Variants in GRTP1 observed in about 807,000 individuals in gnomAD.
GRTP1 encodes the protein growth hormone-regulated TBC protein 1.
Under a neutral mutation model 38.1 loss-of-function variants are expected in GRTP1, and 56 were observed. That is an observed-to-expected ratio of 1.47 (90% CI 1.19 to 1.84). The LOEUF (loss-of-function observed/expected upper bound fraction) is 1.84. Among genes scored for constraint, GRTP1 ranks in the 40% most tolerant of loss-of-function variants. The pLI is 0.00. For synonymous variants in GRTP1, 217 were observed against 189.5 expected (o/e 1.14, Z -1.19); for missense variants, 506 against 453.9 (o/e 1.11, Z -1.04).
chr13:113,351,323 G>A (rs75384758), intron 3 of GRTP1, among the ~76,000 whole-genome samples: 8,039 of 152,330 alleles, frequency 0.053, 263 homozygotes, highest in Middle Eastern at 0.11. Context: ...CGCGCGTAGC[G>A]GAGGCAACTC....
chr13:113,324,748 G>A, intron 7 of GRTP1, 171 bp from the exon 8 acceptor site: 1 of 1,405,938 alleles, frequency 7.1e-7, no homozygotes, highest in Non-Finnish European at 9.2e-7. Flanking sequence ...TCCTGCCCTG[G>A]GGCCTAGGAC....
chr13:113,348,043 C>T lies in GRTP1; in HGVS notation c.465+2806G>A, dbSNP rs530247190. Among the ~76,000 whole-genome samples, 13 of 152,034 alleles carry T rather than the reference C, an allele frequency of 8.6e-5. No homozygotes were observed. Among genetic ancestry groups the T allele is most frequent in the Admixed American group, 5.9e-4 (9 of 15,234 alleles). ...GAGGACCTGTCTGGCCGAGTGGACC[C>T]GGGAGGATCTCCGTGGCTGAGAATG... On this transcript the variant is annotated intron_variant, in intron 4 of 7. Coordinates refer to ENST00000375431, the MANE Select transcript of GRTP1 (RefSeq NM_024719.4). The surrounding 1 kb of genome is among the most constrained non-coding windows in gnomAD (Gnocchi z 4.8).
intron 4 of GRTP1, among the ~76,000 whole-genome samples, chr13:113,347,311 C>A (rs1475852603): frequency 3.3e-5 from 2 of 60,592 alleles, no homozygotes; most frequent in Non-Finnish European, 6.5e-5. Flanking sequence ...TCTGGGAGGA[C>A]CTCTGTGGCA....
chr13:113,355,280 G>T (rs1160255357), intron 3 of GRTP1, 43 bp downstream of exon 3: 1 of 1,599,498 alleles, frequency 6.3e-7, no homozygotes, highest in Non-Finnish European at 8.5e-7. Context: ...GGTTCCTTCC[G>T]GCCCCCGGGC....
intron 5 of GRTP1, among the ~76,000 whole-genome samples, chr13:113,336,638 T>C (rs1189088717): frequency 2.6e-5 from 4 of 152,164 alleles, no homozygotes; most frequent in Non-Finnish European, 5.9e-5. Flanking sequence ...CACCAGCCCC[T>C]TGCCCTGGGC....
rs1463855080 is a variant in GRTP1, at chr13:113,325,944, A to C, written c.710T>G (p.Leu237Arg). The stretch of plus-strand genomic sequence containing the variant: ...CTCCACGGGCAAGATGTCCACAAAC[A>C]GGCAGATGAACCAGCGGGACACCAG... ...TLLVSRWFICLFVDILPVETV... is the reference protein window; with the variant it reads ...TLLVSRWFICRFVDILPVETV... The change falls in exon 6 of 8, where the codon CTG becomes CGG. Residue 237 changes from leucine (L) to arginine (R), a missense_variant. Leu to Arg is a moderately radical substitution (Grantham distance 102, BLOSUM62 -2). Coordinates refer to ENST00000375431, the MANE Select transcript of GRTP1 (RefSeq NM_024719.4). 14 of 1,613,678 alleles carry C rather than the reference A, an allele frequency of 8.7e-6. No individual in the cohort carries two copies. The highest frequency in any genetic ancestry group is 1.2e-5 in the Non-Finnish European group (14 of 1,179,952).
chr13:113,355,143 A>G, intron 3 of GRTP1, 180 bp downstream of exon 3: 1 of 620,314 alleles, frequency 1.6e-6, no homozygotes, highest in Non-Finnish European at 2.8e-6. Context: ...GTGAATTACG[A>G]TCATTGTTCT....
chr13:113,352,364 A>ATATATATATATTTATATATATTT (rs1566438105), intron 3 of GRTP1, among the ~76,000 whole-genome samples: 8 of 113,612 alleles, frequency 7.0e-5, no homozygotes, highest in South Asian at 5.3e-4. Context: ...TATATTTTAT[A>ATATATATATATTTATATATATTT]TATATATATA....
At chr13:113,333,842 T>TATTTATTTA (rs1566418666) in intron 5 of GRTP1, among the ~76,000 whole-genome samples, 61 of 67,460 alleles carry the variant, frequency 9.0e-4, no homozygotes, top group African/African-American at 3.3e-3. Flanking sequence ...TTATTTAGTG[T>TATTTATTTA]GTGTGTGTGT....
rs549904868 is a variant in GRTP1, at chr13:113,328,327, C to T, written c.563-2236G>A. Among the ~76,000 whole-genome samples, 18 of 152,332 alleles carry T rather than the reference C, an allele frequency of 1.2e-4. No individual in the cohort carries two copies. In the East Asian group the frequency reaches 1.9e-3, roughly 16 times the overall value. On this transcript the variant is annotated intron_variant, in intron 5 of 7. Coordinates refer to ENST00000375431, the MANE Select transcript of GRTP1 (RefSeq NM_024719.4). ...ACACCCCTCAGGGTCTGCGGTCAGA[C>T]GTGGGCAGGGGCCATACAAAGACGG...
At chr13:113,338,958 A>G (rs12858393) in intron 5 of GRTP1, among the ~76,000 whole-genome samples, 24,219 of 145,138 alleles carry the variant, frequency 0.17, 2,191 homozygotes, top group East Asian at 0.27. Flanking sequence ...TTGTTGCCCA[A>G]GCTGGAGTGC....
intron 5 of GRTP1, among the ~76,000 whole-genome samples, chr13:113,340,800 A>T (rs578085162): frequency 3.1e-4 from 47 of 152,062 alleles, no homozygotes; most frequent in African/African-American, 1.1e-3. Context: ...AATAAATAAA[A>T]CAATAAAATA....
intron 5 of GRTP1, among the ~76,000 whole-genome samples, chr13:113,327,220 A>C (rs1047811599): frequency 2.6e-5 from 4 of 152,174 alleles, no homozygotes; most frequent in African/African-American, 9.7e-5. Flanking sequence ...TCTGTCACCG[A>C]GGCTGGAATG....
intron 2 of GRTP1, among the ~76,000 whole-genome samples, chr13:113,358,418 A>C (rs1441890523): frequency 3.3e-5 from 5 of 152,232 alleles, no homozygotes; most frequent in Admixed American, 3.3e-4. Flanking sequence ...ACAGATTCCT[A>C]TATGCACCTC....
At chr13:113,325,623 C>T (rs902777530) in intron 7 of GRTP1, 38 bp downstream of exon 7, 10 of 1,613,394 alleles carry the variant, frequency 6.2e-6, no homozygotes, top group African/African-American at 4.0e-5. Context: ...AGGCGGGGCC[C>T]CCTGGGAGGG....
At chr13:113,363,449 C>A (rs912500989) in intron 2 of GRTP1, among the ~76,000 whole-genome samples, 1 of 152,228 alleles carries the variant, frequency 6.6e-6, no homozygotes, top group African/African-American at 2.4e-5. Context: ...TCGTGATCCG[C>A]CCGCCTCGGC....
chr13:113,355,300 G>A, intron 3 of GRTP1, 23 bp downstream of exon 3: 1 of 1,611,162 alleles, frequency 6.2e-7, no homozygotes. Context: ...CCCTGCACCA[G>A]AGCTCGACCC....
intron 5 of GRTP1, among the ~76,000 whole-genome samples, chr13:113,333,099 G>A (rs1305216231): frequency 1.3e-5 from 2 of 152,244 alleles, no homozygotes; most frequent in African/African-American, 2.4e-5. Context: ...CAGTCTGCAG[G>A]AAATTTCGAG....
At chr13:113,351,817 A>AC (rs1163929454) in intron 3 of GRTP1, 2 of 152,132 alleles carry the variant, frequency 1.3e-5, no homozygotes, top group South Asian at 2.1e-4. Flanking sequence ...TTCGCCAGGC[A>AC]CCCCATGCGG....
Sources: allele counts gnomAD v4.1 joint callset (sites outside exome capture counted in the v4.1 genomes callset), GRCh38; gene constraint gnomAD v4.1.1; non-coding constraint Gnocchi (gnomAD v3.1); transcripts MANE v1.5; gene names NCBI Gene and HGNC (gene_info 2026-07-23, HGNC 2026-07-21).